Variants in LRBA observed in about 807,000 individuals in gnomAD.
LRBA encodes the protein lipopolysaccharide-responsive and beige-like anchor protein.
LRBA carries 176 observed loss-of-function variants against 330.0 expected under a neutral mutation model. The observed-to-expected ratio is 0.53, with a 90% CI of 0.47 to 0.60. The LOEUF is 0.60. LRBA is among the 20% of genes least tolerant of loss of function. LRBA has a pLI of 0.00. For synonymous variants in LRBA, 1,230 were observed against 1,193.0 expected (o/e 1.03, Z -0.64); for missense variants, 3,259 against 3,444.8 (o/e 0.95, Z 1.35).
At chr4:150,744,439 T>C (rs1327382944) in intron 35 of LRBA, among the ~76,000 whole-genome samples, 1 of 152,222 alleles carries the variant, frequency 6.6e-6, no homozygotes, top group Non-Finnish European at 1.5e-5. Flanking sequence ...AATATTTCCT[T>C]TGTAATATTC....
chr4:150,692,858 T>G (rs1784260038), intron 36 of LRBA, among the ~76,000 whole-genome samples: 1 of 152,220 alleles, frequency 6.6e-6, no homozygotes, highest in Non-Finnish European at 1.5e-5. Context: ...TGGTATATAC[T>G]TTTGCAAGAT....
At chr4:150,622,986 C>T (rs537840828) in intron 37 of LRBA, among the ~76,000 whole-genome samples, 1 of 152,224 alleles carries the variant, frequency 6.6e-6, no homozygotes, top group Non-Finnish European at 1.5e-5. Flanking sequence ...CGTGAGCCAC[C>T]GCGCCCGGCC....
intron 2 of LRBA, among the ~76,000 whole-genome samples, chr4:150,996,603 C>A (rs922770326): frequency 6.6e-6 from 1 of 152,136 alleles, no homozygotes; most frequent in Non-Finnish European, 1.5e-5. Context: ...TCAAAGTATG[C>A]ATTGTTAAAT....
chr4:150,729,616 T>C (rs1730171064), intron 36 of LRBA, among the ~76,000 whole-genome samples: 2 of 152,110 alleles, frequency 1.3e-5, no homozygotes, highest in East Asian at 3.9e-4. Flanking sequence ...AAAATACTAA[T>C]GACATTCTTC....
intron 40 of LRBA, among the ~76,000 whole-genome samples, chr4:150,498,876 T>A (rs957687762): frequency 1.3e-5 from 2 of 152,214 alleles, no homozygotes; most frequent in Admixed American, 1.3e-4. Flanking sequence ...AAAAGATGTA[T>A]GATCTGGTGT....
rs749563952 is a variant in LRBA, at chr4:150,321,370, T to C, written c.7453-2A>G. On this transcript the variant is annotated splice_acceptor_variant, in intron 49 of 56. Coordinates refer to ENST00000651943, the MANE Select transcript of LRBA (RefSeq NM_001364905.1). LOFTEE classifies it high-confidence loss of function. The surrounding 1 kb of genome is among the most constrained non-coding windows in gnomAD (Gnocchi z 4.5). ...TTTGTCTGTGAACATCAATGGACTC[T>C]GCAGGAGGAGATACTGTTGAGTGGG... 9.5e-6 allele frequency: 15 copies of C among 1,580,098 alleles called. No individual in the cohort carries two copies. The highest frequency in any genetic ancestry group is 1.4e-5 in the African/African-American group (1 of 72,890).
chr4:150,547,138 T>C (rs1765946090), intron 40 of LRBA, among the ~76,000 whole-genome samples: 1 of 152,144 alleles, frequency 6.6e-6, no homozygotes, highest in Admixed American at 6.6e-5. Context: ...CTTTAATTTC[T>C]AAAATACATA....
intron 35 of LRBA, among the ~76,000 whole-genome samples, chr4:150,749,607 A>G (rs1733257618): frequency 6.6e-6 from 1 of 152,052 alleles, no homozygotes; most frequent in Admixed American, 6.6e-5. Context: ...AAAAAAAATA[A>G]TAATAATAGC....
At position 150,379,028 on chromosome 4, in the gene LRBA, G is replaced by A. The variant is rs115599464; in HGVS notation, c.7195-28869C>T. Reference sequence around the variant, plus strand: ...TAAAATAGCAGATCAGGCCAGGCATGGTGGCTCATGCCGCCTGTAATACCA... The same window carrying A: ...TAAAATAGCAGATCAGGCCAGGCATAGTGGCTCATGCCGCCTGTAATACCA... On this transcript the variant is annotated intron_variant, in intron 47 of 56. Coordinates refer to ENST00000651943, the MANE Select transcript of LRBA (RefSeq NM_001364905.1). 4.4e-3 allele frequency among the ~76,000 whole-genome samples: 663 copies of A among 152,120 alleles called. 3 individuals carry two copies. The highest frequency in any genetic ancestry group is 0.015 in the African/African-American group (628 of 41,496).
intron 22 of LRBA, among the ~76,000 whole-genome samples, chr4:150,853,705 G>A (rs541210797): frequency 1.3e-5 from 2 of 152,044 alleles, no homozygotes; most frequent in African/African-American, 4.8e-5. Flanking sequence ...TGCTGTACTT[G>A]TTAATGTCAC....
At chr4:150,393,288 T>G (rs7681051) in intron 47 of LRBA, among the ~76,000 whole-genome samples, 22,588 of 151,990 alleles carry the variant, frequency 0.15, 1,696 homozygotes, top group Middle Eastern at 0.17. Context: ...ATTTGCTGAA[T>G]GAAACACTGG....
At chr4:150,409,881 C>T (rs2151943399) in intron 47 of LRBA, among the ~76,000 whole-genome samples, 1 of 152,166 alleles carries the variant, frequency 6.6e-6, no homozygotes. Flanking sequence ...TCCCTACATT[C>T]CCAGGGAATT....
intron 48 of LRBA, 56 bp downstream of exon 48, chr4:150,349,936 C>T: frequency 6.7e-7 from 1 of 1,497,208 alleles, no homozygotes; most frequent in Non-Finnish European, 9.2e-7. Flanking sequence ...TTCTCTAGCT[C>T]CTTCTAGTTT....
At chr4:150,837,863 G>C (rs1748393510) in intron 28 of LRBA, among the ~76,000 whole-genome samples, 1 of 152,046 alleles carries the variant, frequency 6.6e-6, no homozygotes. Context: ...TTGCTCATTA[G>C]TTGATGCAGT....
At chr4:150,271,122 C>T (rs551106761) in intron 56 of LRBA, among the ~76,000 whole-genome samples, 2 of 152,248 alleles carry the variant, frequency 1.3e-5, no homozygotes, top group South Asian at 2.1e-4. Context: ...AATTCCCTCC[C>T]CCAGCCAATG....
rs541039676 is a variant in LRBA, at chr4:150,391,018, G to A, written c.7194+24420C>T. Among the ~76,000 whole-genome samples, 6 of 152,144 alleles carry A rather than the reference G, an allele frequency of 3.9e-5. No homozygotes were observed. The East Asian group carries it at 5.8e-4, about 15-fold the overall frequency. On this transcript the variant is annotated intron_variant, in intron 47 of 56. Transcript: ENST00000651943. ...GTTTTAGGAAGCCCAGCTTGATACC[G>A]CACTTCCCAAACTCCCATATGGCTA...
Position 150,828,712 on chromosome 4 carries a change from G to A in LRBA, c.4730-91C>T. 3.6e-6 allele frequency: 4 copies of A among 1,109,256 alleles called. No individual in the cohort carries two copies. In the South Asian group the frequency reaches 6.1e-5, roughly 17 times the overall value. The allele number at this position is 1,109,256 out of a possible 1,614,324, so 68.7% of individuals were successfully genotyped here. ...TATTCTGTTTTAATAGCTATCTACT[G>A]TTTTGAATTATGAAATACATCATGT... On this transcript the variant is annotated intron_variant, in intron 29 of 56. Transcript: ENST00000651943.
intron 37 of LRBA, among the ~76,000 whole-genome samples, chr4:150,614,266 TG>T (rs1289762425): frequency 6.6e-6 from 1 of 152,350 alleles, no homozygotes; most frequent in South Asian, 2.1e-4. Flanking sequence ...TTAAGGAGCT[TG>T]GGTTTTACCC....
intron 16 of LRBA, among the ~76,000 whole-genome samples, chr4:150,895,608 T>C (rs556981370): frequency 6.6e-6 from 1 of 152,334 alleles, no homozygotes; most frequent in East Asian, 1.9e-4. Flanking sequence ...ACAAAGGACA[T>C]GAACTCATCC....
Sources: gnomAD v4.1 joint callset for allele counts (sites outside exome capture counted in the v4.1 genomes callset) on GRCh38, gnomAD v4.1.1 for gene constraint, Gnocchi (gnomAD v3.1) non-coding constraint, MANE v1.5 for transcripts, NCBI Gene and HGNC (gene_info 2026-07-23, HGNC 2026-07-21) for gene names.